The following LARGE1 variants were observed in gnomAD, a reference collection of about 807,000 sequenced individuals.
LARGE1 encodes the protein LARGE xylosyl- and glucuronyltransferase 1.
Under a neutral mutation model 87.6 loss-of-function variants are expected in LARGE1, and 43 were observed. That is an observed-to-expected ratio of 0.49 (90% CI 0.38 to 0.63). The LOEUF (loss-of-function observed/expected upper bound fraction) is 0.63, where lower values mean the gene tolerates loss of function less well. Among genes scored for constraint, LARGE1 ranks in the 30% least tolerant of loss-of-function variants. LARGE1 has a pLI of 0.00. For synonymous variants in LARGE1, 434 were observed against 394.6 expected, an observed-to-expected ratio of 1.10 and a Z score of -1.18; for missense variants, 802 against 1,000.2, an observed-to-expected ratio of 0.80 and a Z score of 2.67.
rs762935110 is a variant in LARGE1 at position 33,274,515 on chromosome 22, T to C, written c.2183A>G (p.Lys728Arg). 1.9e-6 allele frequency: 3 copies of C among 1,614,152 alleles called. No homozygotes were observed. In the African/African-American group the frequency reaches 4.0e-5, roughly 22 times the overall value. ...CTGCTGAAACTCTTCCTTGAGGGTT[T>C]TGAGACAGATGCGGTATTGCTTGTT... Reference protein sequence around the residue: ...RSNKQYRICLKTLKEEFQQDM... With the variant: ...RSNKQYRICLRTLKEEFQQDM... Residue 728 changes from lysine to arginine, a missense_variant, in exon 15 of 15, where the codon AAA (lysine) becomes AGA (arginine). By Grantham distance (26) the Lys-to-Arg change is conservative. This residue lies in a region of LARGE1 where 625 missense variants were observed against 841.9 expected (regional missense o/e 0.74). Coordinates refer to ENST00000397394, the MANE Select transcript of LARGE1 (RefSeq NM_133642.5).
rs1304819165 is a variant in LARGE1, at chr22:33,777,568, A to G, written c.-82-16010T>C. On this transcript the variant is annotated intron_variant, in intron 1 of 14. Transcript: ENST00000397394. ...CAAGGTGGAAGGATCTCTTGAGCCC[A>G]GGAGGTCAAGGCTGCAGTGAGCCAT... is the stretch of plus-strand genomic sequence containing the variant. Among the ~76,000 whole-genome samples, 3 of 147,902 alleles carry G rather than the reference A, an allele frequency of 2.0e-5. No individual in the cohort carries two copies. The East Asian group carries it at 6.3e-4, about 31-fold the overall frequency.
chr22:33,915,426 A>T (rs1484638216), intron 1 of LARGE1, among the ~76,000 whole-genome samples: 2 of 152,070 alleles, frequency 1.3e-5, no homozygotes, highest in African/African-American at 4.8e-5. Context: ...GTTCTCACCT[A>T]AGTGTTTTTT....
At chr22:33,235,925 G>A (rs913492420) in intron 11 of LARGE1, among the ~76,000 whole-genome samples, 2 of 152,164 alleles carry the variant, frequency 1.3e-5, no homozygotes, top group Non-Finnish European at 2.9e-5. Context: ...ATTAAGATGA[G>A]ATCATACTGG....
chr22:33,234,661 C>A (rs1926166724), intron 11 of LARGE1, among the ~76,000 whole-genome samples: 1 of 152,086 alleles, frequency 6.6e-6, no homozygotes, highest in Admixed American at 6.5e-5. Flanking sequence ...CCTGCCTCAG[C>A]CTCCTGAGTA....
intron 7 of LARGE1, among the ~76,000 whole-genome samples, chr22:33,389,131 A>G (rs2065427336): frequency 6.6e-6 from 1 of 152,232 alleles, no homozygotes; most frequent in Non-Finnish European, 1.5e-5. Context: ...GCACAGAGGC[A>G]GGAGATGCAT....
rs182680073 is a variant in LARGE1 at position 33,326,028 on chromosome 22, A to C, written c.1288-9780T>G. On this transcript the variant is annotated intron_variant, in intron 10 of 14. Transcript: ENST00000397394. ...CTTATTAAGCCACACAGACAGGCAGAAAAAGCTCACGACCTTCCTCGTTGC... is the reference window on the plus strand; with the variant it reads ...CTTATTAAGCCACACAGACAGGCAGCAAAAGCTCACGACCTTCCTCGTTGC... Among the ~76,000 whole-genome samples the C allele has an allele frequency of 2.0e-5, 3 of 152,334 alleles. No individual in the cohort carries two copies. In the East Asian group the frequency reaches 5.8e-4, roughly 29 times the overall value.
chr22:33,491,701 C>T (rs914821185), intron 6 of LARGE1, among the ~76,000 whole-genome samples: 2 of 152,218 alleles, frequency 1.3e-5, no homozygotes, highest in African/African-American at 2.4e-5. Context: ...GTCGATCTTA[C>T]AGCCCCATTT....
intron 7 of LARGE1, among the ~76,000 whole-genome samples, chr22:33,396,363 A>G (rs1601695942): frequency 1.3e-5 from 2 of 152,190 alleles, no homozygotes; most frequent in South Asian, 4.1e-4. Context: ...TTTTGATCAT[A>G]TAAATGAAAA....
intron 1 of LARGE1, among the ~76,000 whole-genome samples, chr22:33,818,897 G>T (rs2086736343): frequency 6.6e-6 from 1 of 152,120 alleles, no homozygotes; most frequent in South Asian, 2.1e-4. Context: ...TCTCCCTTGG[G>T]TGGGCTGAAA....
intron 5 of LARGE1, among the ~76,000 whole-genome samples, chr22:33,567,551 C>T (rs2078065211): frequency 6.6e-6 from 1 of 152,156 alleles, no homozygotes. Context: ...TCACCTTGGA[C>T]AGGTTTGCTC....
At chr22:33,587,889 T>G (rs2078723212) in intron 5 of LARGE1, among the ~76,000 whole-genome samples, 1 of 152,228 alleles carries the variant, frequency 6.6e-6, no homozygotes, top group Non-Finnish European at 1.5e-5. Flanking sequence ...TGGTGATATC[T>G]TATTTGATCA....
chr22:33,331,582 A>G (rs180883043), intron 10 of LARGE1, among the ~76,000 whole-genome samples: 1 of 151,952 alleles, frequency 6.6e-6, no homozygotes, highest in Non-Finnish European at 1.5e-5. Context: ...TACTTTTTGT[A>G]CTTTTAGTAG....
At chr22:33,125,876 C>T in the LARGE1 span, among the ~76,000 whole-genome samples, 6 of 152,272 alleles carry the variant, frequency 3.9e-5, no homozygotes, top group Non-Finnish European at 8.8e-5. Context: ...GCTTCCTGAG[C>T]AGCTAGGACC....
chr22:33,583,422 A>T (rs140624202), intron 5 of LARGE1, among the ~76,000 whole-genome samples: 1 of 152,210 alleles, frequency 6.6e-6, no homozygotes, highest in Non-Finnish European at 1.5e-5. Flanking sequence ...ATCTACCAAG[A>T]TTCCTGCCCT....
chr22:33,673,221 G>C (rs2081470657), intron 2 of LARGE1, among the ~76,000 whole-genome samples: 1 of 152,208 alleles, frequency 6.6e-6, no homozygotes. Context: ...GTTGCAGGGA[G>C]CAGAGATCAT....
chr22:33,714,466 G>A (rs2082853253), intron 2 of LARGE1, among the ~76,000 whole-genome samples: 1 of 152,136 alleles, frequency 6.6e-6, no homozygotes, highest in African/African-American at 2.4e-5. Context: ...GATGACCAAA[G>A]TCAAAAATGA....
At chr22:33,162,331 G>C (rs1419363535) in exon 12 of LARGE1, 1 of 152,218 alleles carries the variant, frequency 6.6e-6, no homozygotes, top group Non-Finnish European at 1.5e-5. Context: ...AGGGCAGCAG[G>C]AGAGAAAAGT....
chr22:33,602,542 G>A (rs2079138983), intron 5 of LARGE1, among the ~76,000 whole-genome samples: 1 of 151,864 alleles, frequency 6.6e-6, no homozygotes, highest in South Asian at 2.1e-4. Context: ...CATCCAGCTA[G>A]TTTTTTGTAG....
chr22:33,103,305 C>A, the LARGE1 span, among the ~76,000 whole-genome samples: 4 of 151,548 alleles, frequency 2.6e-5, no homozygotes, highest in African/African-American at 9.7e-5. Flanking sequence ...TGGTGGCGGG[C>A]GCCTGTAGTC....
Sources: gnomAD v4.1 joint callset for allele counts (sites outside exome capture counted in the v4.1 genomes callset) on GRCh38, gnomAD v4.1.1 for gene constraint, gnomAD v4.1.1 regional missense constraint, MANE v1.5 for transcripts, NCBI Gene and HGNC (gene_info 2026-07-23, HGNC 2026-07-21) for gene names.